The following AGAP1 variants were observed in gnomAD, a reference collection of about 807,000 sequenced individuals.
The protein encoded by AGAP1 is ArfGAP with GTPase domain, ankyrin repeat and PH domain 1.
AGAP1 carries 29 observed loss-of-function variants against 105.3 expected under a neutral mutation model. The ratio of observed to expected loss-of-function variants is 0.28; its 90% CI spans 0.21 to 0.38. AGAP1 has a LOEUF of 0.38. Among genes scored for constraint, AGAP1 ranks in the 10% least tolerant of loss-of-function variants. The pLI is 1.00. For missense variants in AGAP1, 998 were observed against 1,165.1 expected (o/e 0.86, Z 2.09); for synonymous variants, 509 against 485.9 (o/e 1.05, Z -0.63).
In AGAP1 at chr2:235,789,779, C is replaced by T. The variant is rs1423083147; in HGVS notation, c.674-7980C>T. ...TGGCTTGCTTGGGGCATGGCATGTC[C>T]TAATGACTTACTCGAGCAGTTGAAT... On this transcript the variant is annotated intron_variant, in intron 6 of 17. Coordinates refer to ENST00000304032, the MANE Select transcript of AGAP1 (RefSeq NM_001037131.3). This position sits in a 1 kb window ranked among gnomAD's most constrained non-coding sequence, Gnocchi z 4.2. Among the ~76,000 whole-genome samples, 20 of 152,188 alleles carry T rather than the reference C, an allele frequency of 1.3e-4. No individual in the cohort carries two copies. The highest frequency in any genetic ancestry group is 1.3e-3 in the Admixed American group (20 of 15,278).
At chr2:235,597,064 A>G (rs572657980) in intron 1 of AGAP1, among the ~76,000 whole-genome samples, 25 of 152,334 alleles carry the variant, frequency 1.6e-4, no homozygotes, top group East Asian at 7.7e-4. Flanking sequence ...TCTTTGTGAT[A>G]GCAGCCCCAG....
At chr2:235,998,006 G>A (rs1439281040) in intron 13 of AGAP1, among the ~76,000 whole-genome samples, 3 of 152,114 alleles carry the variant, frequency 2.0e-5, no homozygotes, top group Non-Finnish European at 4.4e-5. Flanking sequence ...TGGACCCCAG[G>A]CATTTTTAAT....
At chr2:235,941,596 C>A (rs1962443) in intron 12 of AGAP1, among the ~76,000 whole-genome samples, 94,880 of 152,138 alleles carry the variant, frequency 0.62, 30,911 homozygotes, top group African/African-American at 0.82. Flanking sequence ...TGTGCGAATT[C>A]CTAAGCATGT....
intron 9 of AGAP1, among the ~76,000 whole-genome samples, chr2:235,851,895 GA>G (rs908407215): frequency 5.5e-4 from 84 of 152,286 alleles, no homozygotes; most frequent in African/African-American, 1.8e-3. Context: ...AAGGAAACCT[GA>G]AGTATTTCTC....
intron 9 of AGAP1, among the ~76,000 whole-genome samples, chr2:235,816,951 T>G (rs1423509187): frequency 2.6e-5 from 4 of 152,164 alleles, no homozygotes. Context: ...AAAGTCTTAT[T>G]TCAGTTCTGC....
intron 1 of AGAP1, among the ~76,000 whole-genome samples, chr2:235,536,991 C>T (rs1469625291): frequency 1.3e-5 from 2 of 152,140 alleles, no homozygotes; most frequent in Admixed American, 6.6e-5. Context: ...TCTATCTGTG[C>T]GTGCATTTAT....
At position 235,659,542 on chromosome 2, in the gene AGAP1, G is replaced by A. The variant is rs80107055; in HGVS notation, c.164-49637G>A. Among the ~76,000 whole-genome samples the A allele has an allele frequency of 0.019, 2,925 of 152,256 alleles. 107 individuals carry two copies. Among genetic ancestry groups the A allele is most frequent in the African/African-American group, 0.066 (2,735 of 41,548 alleles). On this transcript the variant is annotated intron_variant, in intron 1 of 17. Transcript: ENST00000304032. The surrounding 1 kb of genome is among the most constrained non-coding windows in gnomAD (Gnocchi z 5.0). ...ATGTTTTGTGGGTCACTTGCCAGGC[G>A]TCAGTGCCCTGCTCGGGGTCCCTTT...
intron 11 of AGAP1, among the ~76,000 whole-genome samples, chr2:235,921,543 T>G (rs59901595): frequency 0.04 from 6,060 of 152,262 alleles, 403 homozygotes; most frequent in African/African-American, 0.14. Flanking sequence ...ATGAGCTGTT[T>G]CTACGTTGTA....
intron 6 of AGAP1, among the ~76,000 whole-genome samples, chr2:235,797,339 C>G (rs901622870): frequency 1.3e-5 from 2 of 152,122 alleles, no homozygotes; most frequent in Non-Finnish European, 2.9e-5. Flanking sequence ...GGGACCGGCT[C>G]TATCTGTCTC....
rs185358803 is a variant in AGAP1 at position 235,594,868 on chromosome 2, C to T, written c.163+100019C>T. Reference sequence around the variant, plus strand: ...GGATTACAGGCGTGAGCCACTGCGCCCGGCCCAGATTGCTGTTTTTTTTTT... The same window carrying T: ...GGATTACAGGCGTGAGCCACTGCGCTCGGCCCAGATTGCTGTTTTTTTTTT... On this transcript the variant is annotated intron_variant, in intron 1 of 17. Coordinates refer to ENST00000304032, the MANE Select transcript of AGAP1 (RefSeq NM_001037131.3). Among the ~76,000 whole-genome samples the T allele has an allele frequency of 3.3e-3, 499 of 149,134 alleles. 6 individuals carry two copies. The highest frequency in any genetic ancestry group is 0.012 in the African/African-American group (488 of 40,460).
At chr2:235,590,680 T>TGCGTGTGCGTGTGC (rs199873607) in intron 1 of AGAP1, among the ~76,000 whole-genome samples, 1 of 116,504 alleles carries the variant, frequency 8.6e-6, no homozygotes, top group Non-Finnish European at 1.8e-5. Flanking sequence ...TGTGTGTGTG[T>TGCGTGTGCGTGTGC]GTGTGCGTGT....
At chr2:235,653,908 T>A (rs1007613312) in intron 1 of AGAP1, among the ~76,000 whole-genome samples, 22 of 151,998 alleles carry the variant, frequency 1.4e-4, no homozygotes, top group African/African-American at 5.3e-4. Context: ...AATACAAAAT[T>A]AGCCGGGAGT....
chr2:236,053,699 T>A lies in AGAP1; in HGVS notation c.2114+4418T>A, dbSNP rs951948132. ...TGCAGGGACTCGCTGCTATTTGCAT[T>A]TCAGTGCAGGTAGCCTGTTTACTTG... On this transcript the variant is annotated intron_variant, in intron 16 of 17. Transcript: ENST00000304032. This position sits in a 1 kb window ranked among gnomAD's most constrained non-coding sequence, Gnocchi z 4.6. Among the ~76,000 whole-genome samples, 1 of 152,246 alleles carries A rather than the reference T, an allele frequency of 6.6e-6. No individual in the cohort carries two copies. The highest frequency in any genetic ancestry group is 2.4e-5 in the African/African-American group (1 of 41,468).
chr2:235,838,754 C>T (rs1960462423), intron 9 of AGAP1, among the ~76,000 whole-genome samples: 1 of 152,232 alleles, frequency 6.6e-6, no homozygotes, highest in Admixed American at 6.5e-5. Flanking sequence ...GCTTCGCTTT[C>T]CATGTGTTAC....
In AGAP1 at chr2:235,633,698, G is replaced by A. The variant is rs1228610415; in HGVS notation, c.164-75481G>A. Among the ~76,000 whole-genome samples, 3 of 152,130 alleles carry A rather than the reference G, an allele frequency of 2.0e-5. No individual in the cohort carries two copies. The highest frequency in any genetic ancestry group is 4.4e-5 in the Non-Finnish European group (3 of 68,026). On this transcript the variant is annotated intron_variant, in intron 1 of 17. Transcript: ENST00000304032. The surrounding 1 kb of genome is among the most constrained non-coding windows in gnomAD (Gnocchi z 4.8). ...CCTCTGTGTAACATTTCTTCCTCTCGGGTATGGGATGGGACCCCTCTGGAA... is the reference window on the plus strand; with the variant it reads ...CCTCTGTGTAACATTTCTTCCTCTCAGGTATGGGATGGGACCCCTCTGGAA...
At position 235,555,971 on chromosome 2, in the gene AGAP1, C is replaced by G. The variant is rs1459400487; in HGVS notation, c.163+61122C>G. ...CAAAGCAATACTTAGACCTCAAAAA[C>G]AAAGCGATGTAGACCTATCTGCTGT... is the stretch of plus-strand genomic sequence containing the variant. On this transcript the variant is annotated intron_variant, in intron 1 of 17. Transcript: ENST00000304032. This position sits in a 1 kb window ranked among gnomAD's most constrained non-coding sequence, Gnocchi z 5.1. 6.6e-6 allele frequency among the ~76,000 whole-genome samples: 1 copy of G among 152,186 alleles called. No homozygotes were observed. The highest frequency in any genetic ancestry group is 2.4e-5 in the African/African-American group (1 of 41,452).
chr2:235,732,223 G>A lies in AGAP1; in HGVS notation c.311-8740G>A, dbSNP rs1468071051. 6.6e-6 allele frequency among the ~76,000 whole-genome samples: 1 copy of A among 152,094 alleles called. No individual in the cohort carries two copies. On this transcript the variant is annotated intron_variant, in intron 3 of 17. Transcript: ENST00000304032. This position sits in a 1 kb window ranked among gnomAD's most constrained non-coding sequence, Gnocchi z 4.8. Reference sequence around the variant, plus strand: ...ACCATTTATCCTTTTGTTTAGGTCCGTTTGTCAATGAACTTCTCTCTTAAA... The same window carrying A: ...ACCATTTATCCTTTTGTTTAGGTCCATTTGTCAATGAACTTCTCTCTTAAA...
At chr2:236,028,525 G>A (rs191529030) in intron 13 of AGAP1, among the ~76,000 whole-genome samples, 1 of 152,078 alleles carries the variant, frequency 6.6e-6, no homozygotes, top group Admixed American at 6.5e-5. Flanking sequence ...TACGATTTTT[G>A]TTTGCTAGTG....
intron 16 of AGAP1, among the ~76,000 whole-genome samples, chr2:236,099,739 A>G (rs562585222): frequency 2.0e-4 from 31 of 152,104 alleles, no homozygotes; most frequent in African/African-American, 6.7e-4. Flanking sequence ...GCCCATTTCA[A>G]TTTTTATCAA....
Sources: gnomAD v4.1 joint callset for allele counts (sites outside exome capture counted in the v4.1 genomes callset) on GRCh38, gnomAD v4.1.1 for gene constraint, Gnocchi (gnomAD v3.1) non-coding constraint, MANE v1.5 for transcripts, NCBI Gene and HGNC (gene_info 2026-07-23, HGNC 2026-07-21) for gene names.